Variants in PIEZO2 observed in about 807,000 individuals in gnomAD.
PIEZO2 encodes the protein piezo-type mechanosensitive ion channel component 2.
A neutral mutation model predicts 337.3 loss-of-function variants in PIEZO2; 172 were observed. That is an observed-to-expected ratio of 0.51 (90% confidence interval 0.45 to 0.58). PIEZO2 has a LOEUF of 0.58. Ranked by LOEUF, PIEZO2 falls within the 20% of genes least tolerant of loss-of-function variation. PIEZO2 has a pLI of 0.00. For synonymous variants in PIEZO2, 1,251 were observed against 1,228.5 expected (o/e 1.02, Z -0.38); for missense variants, 3,028 against 3,391.3 (o/e 0.89, Z 2.66).
At chr18:10,944,130 C>G (rs264163) in intron 3 of PIEZO2, among the ~76,000 whole-genome samples, 87,480 of 151,824 alleles carry the variant, frequency 0.58, 25,505 homozygotes, top group African/African-American at 0.63. Flanking sequence ...ATTTTTTAAA[C>G]AACAAAAAAT....
At chr18:11,045,232 C>G (rs920696866) in intron 2 of PIEZO2, among the ~76,000 whole-genome samples, 2 of 129,188 alleles carry the variant, frequency 1.5e-5, no homozygotes, top group Non-Finnish European at 3.1e-5. Context: ...ACCCGGGAGG[C>G]AGAGCTTGCT....
rs1418655705 is a variant in PIEZO2 at position 10,872,008 on chromosome 18, T to C, written c.330-593A>G. Among the ~76,000 whole-genome samples, 1 of 152,234 alleles carries C rather than the reference T, an allele frequency of 6.6e-6. No individual in the cohort carries two copies. The highest frequency in any genetic ancestry group is 1.5e-5 in the Non-Finnish European group (1 of 68,040). On this transcript the variant is annotated intron_variant, in intron 4 of 55. Transcript: ENST00000674853. The surrounding 1 kb of genome is among the most constrained non-coding windows in gnomAD (Gnocchi z 4.3). ...AGTCTGAAACTTAGTAGTTGCATCCTGCTGGGGGCTTCTCACAGCCATCTG... is the reference window on the plus strand; with the variant it reads ...AGTCTGAAACTTAGTAGTTGCATCCCGCTGGGGGCTTCTCACAGCCATCTG...
At chr18:10,826,987 A>G (rs1443517638) in intron 7 of PIEZO2, among the ~76,000 whole-genome samples, 1 of 152,154 alleles carries the variant, frequency 6.6e-6, no homozygotes, top group Non-Finnish European at 1.5e-5. Context: ...TTTTTCACTT[A>G]GCAATATGCA....
chr18:10,924,713 A>G (rs958490462), intron 3 of PIEZO2, among the ~76,000 whole-genome samples: 1 of 152,246 alleles, frequency 6.6e-6, no homozygotes, highest in Non-Finnish European at 1.5e-5. Context: ...CATGATTTAT[A>G]TAATACTGGC....
In PIEZO2 at chr18:11,127,803, A is replaced by ATGTGTGTG. The variant is rs34849868; in HGVS notation, c.64+20714_64+20721dup. Among the ~76,000 whole-genome samples, 40,820 of 146,322 alleles carry ATGTGTGTG rather than the reference A, an allele frequency of 0.28. 5,896 individuals are homozygous for ATGTGTGTG. The highest frequency in any genetic ancestry group is 0.43 in the East Asian group (2,138 of 5,008). ...TGCATATACGTGTGTGTGTGTGTGCATGTGTGTGTGTGTGTGTGTGTGTAT... is the reference window on the plus strand; with the variant it reads ...TGCATATACGTGTGTGTGTGTGTGCATGTGTGTGTGTGTGTGTGTGTGTGTGTGTGTAT... On this transcript the variant is annotated intron_variant, in intron 1 of 55. Transcript: ENST00000674853. This position sits in a 1 kb window ranked among gnomAD's most constrained non-coding sequence, Gnocchi z 4.5.
intron 3 of PIEZO2, among the ~76,000 whole-genome samples, chr18:10,960,479 C>G (rs1308060145): frequency 3.3e-5 from 5 of 151,488 alleles, no homozygotes; most frequent in Non-Finnish European, 5.9e-5. Context: ...CATTTATAGA[C>G]ACAGGGTATC....
intron 2 of PIEZO2, among the ~76,000 whole-genome samples, chr18:11,054,045 A>C (rs76126104): frequency 0.035 from 5,265 of 151,978 alleles, 300 homozygotes; most frequent in African/African-American, 0.12. Flanking sequence ...ATAAACAAAA[A>C]CCGTAATACC....
In PIEZO2 at chr18:10,969,455, T is replaced by C. The variant is rs2034149097; in HGVS notation, c.286+10080A>G. Among the ~76,000 whole-genome samples, 1 of 152,160 alleles carries C rather than the reference T, an allele frequency of 6.6e-6. No individual in the cohort carries two copies. Among genetic ancestry groups the C allele is most frequent in the Non-Finnish European group, 1.5e-5 (1 of 68,014 alleles). ...GGGGCTCTTCTGCCCTCACTTCTTATTGAGACCTCCTTGTTAAAGCACAGT... is the reference window on the plus strand; with the variant it reads ...GGGGCTCTTCTGCCCTCACTTCTTACTGAGACCTCCTTGTTAAAGCACAGT... On this transcript the variant is annotated intron_variant, in intron 3 of 55. Transcript: ENST00000674853. This position sits in a 1 kb window ranked among gnomAD's most constrained non-coding sequence, Gnocchi z 4.5.
Position 11,002,057 on chromosome 18 carries a change from T to A in PIEZO2, c.161-22397A>T, listed in dbSNP as rs2035563342. ...ATTTTAGGCTTTGTGAGACACATAG[T>A]CTCTGTTACAATGACTCAATTCTGC... On this transcript the variant is annotated intron_variant, in intron 2 of 55. Transcript: ENST00000674853. The surrounding 1 kb of genome is among the most constrained non-coding windows in gnomAD (Gnocchi z 4.3). Among the ~76,000 whole-genome samples, 1 of 152,134 alleles carries A rather than the reference T, an allele frequency of 6.6e-6. No homozygotes were observed. Among genetic ancestry groups the A allele is most frequent in the Non-Finnish European group, 1.5e-5 (1 of 68,032 alleles).
chr18:10,715,880 A>T, intron 37 of PIEZO2, 64 bp from the exon 38 acceptor site: 3 of 1,331,800 alleles, frequency 2.3e-6, no homozygotes, highest in Non-Finnish European at 1.0e-6. Context: ...ACTTTTGTGT[A>T]GCCCAGCGAT....
chr18:10,756,623 T>C (rs375721572), intron 27 of PIEZO2, among the ~76,000 whole-genome samples: 3 of 110,814 alleles, frequency 2.7e-5, no homozygotes, highest in East Asian at 2.8e-4. Context: ...GAAGGATAGA[T>C]GGAGGATGAG....
chr18:11,064,266 A>T (rs530424837), intron 2 of PIEZO2, among the ~76,000 whole-genome samples: 64 of 152,248 alleles, frequency 4.2e-4, no homozygotes, highest in Non-Finnish European at 8.1e-4. Flanking sequence ...CACATAAATG[A>T]GGTTATGTTG....
intron 1 of PIEZO2, among the ~76,000 whole-genome samples, chr18:11,133,874 A>C (rs11080492): frequency 0.09 from 13,690 of 151,290 alleles, 686 homozygotes; most frequent in East Asian, 0.17. Flanking sequence ...CTCTCTCTCT[A>C]TATATATATA....
At chr18:10,762,436 A>G (rs2038173746) in intron 23 of PIEZO2, 64 bp downstream of exon 23, 12 of 1,500,704 alleles carry the variant, frequency 8.0e-6, no homozygotes, top group Non-Finnish European at 1.1e-5. Flanking sequence ...CGTCTCATGG[A>G]AAAGAATCCT....
chr18:10,678,281 T>C (rs1170193495), intron 52 of PIEZO2, among the ~76,000 whole-genome samples: 2 of 152,208 alleles, frequency 1.3e-5, no homozygotes, highest in South Asian at 4.1e-4. Flanking sequence ...GTTTTTTTGT[T>C]GTTTTTGTTG....
chr18:10,725,529 G>A (rs1267821346), intron 36 of PIEZO2: 10 of 1,401,860 alleles, frequency 7.1e-6, no homozygotes, highest in Middle Eastern at 2.6e-4. Context: ...GTCGTGGGAA[G>A]GAGGGGCCCC....
rs1011691865 is a variant in PIEZO2, at chr18:11,048,096, C to T, written c.160+18031G>A. Among the ~76,000 whole-genome samples the T allele has an allele frequency of 2.6e-5, 4 of 152,188 alleles. No individual in the cohort carries two copies. Among genetic ancestry groups the T allele is most frequent in the African/African-American group, 9.7e-5 (4 of 41,442 alleles). ...TCAAGAGCACAGCGGCAGCCACTGC[C>T]ACCAACAGCATGTGACACCTCTTCA... is the stretch of plus-strand genomic sequence containing the variant. On this transcript the variant is annotated intron_variant, in intron 2 of 55. Coordinates refer to ENST00000674853, the MANE Select transcript of PIEZO2 (RefSeq NM_001378183.1). This position sits in a 1 kb window ranked among gnomAD's most constrained non-coding sequence, Gnocchi z 4.5.
chr18:11,126,477 G>C lies in PIEZO2; in HGVS notation c.64+22048C>G, dbSNP rs1181504325. 1.3e-5 allele frequency among the ~76,000 whole-genome samples: 2 copies of C among 152,190 alleles called. No individual in the cohort carries two copies. The highest frequency in any genetic ancestry group is 2.9e-5 in the Non-Finnish European group (2 of 68,016). ...AGTCCTCTTCCCACCTTTAGTGCCA[G>C]TTTCTTGGTCATCTCCCGCCATCAT... On this transcript the variant is annotated intron_variant, in intron 1 of 55. Coordinates refer to ENST00000674853, the MANE Select transcript of PIEZO2 (RefSeq NM_001378183.1). The surrounding 1 kb of genome is among the most constrained non-coding windows in gnomAD (Gnocchi z 4.6).
chr18:11,121,304 C>T (rs2040024044), intron 1 of PIEZO2, among the ~76,000 whole-genome samples: 1 of 152,048 alleles, frequency 6.6e-6, no homozygotes, highest in Admixed American at 6.5e-5. Context: ...CCTGTAATCC[C>T]AGTACTTTGG....
Sources: gnomAD v4.1 joint callset for allele counts (sites outside exome capture counted in the v4.1 genomes callset) on GRCh38, gnomAD v4.1.1 for gene constraint, Gnocchi (gnomAD v3.1) non-coding constraint, MANE v1.5 for transcripts, NCBI Gene and HGNC (gene_info 2026-07-23, HGNC 2026-07-21) for gene names.